The following SEC14L1 variants were observed in gnomAD, a reference collection of about 807,000 sequenced individuals.
The protein encoded by SEC14L1 is SEC14 like lipid binding 1, also known as SEC14-like protein 1.
A neutral mutation model predicts 85.3 loss-of-function variants in SEC14L1; 48 were observed. That is an observed-to-expected ratio of 0.56 (90% CI 0.45 to 0.72). The LOEUF (loss-of-function observed/expected upper bound fraction) is 0.72, where lower values mean the gene tolerates loss of function less well. Among genes scored for constraint, SEC14L1 ranks in the 30% least tolerant of loss-of-function variants. The pLI is 0.00. For synonymous variants in SEC14L1, 391 were observed against 355.5 expected, an observed-to-expected ratio of 1.10 and a Z score of -1.12; for missense variants, 682 against 921.4, an observed-to-expected ratio of 0.74 and a Z score of 3.36.
At chr17:77,205,375 A>C in intron 11 of SEC14L1, 29 bp downstream of exon 11, 1 of 1,572,840 alleles carries the variant, frequency 6.4e-7, no homozygotes, top group Non-Finnish European at 8.7e-7. Context: ...TTTTCCTTTC[A>C]ACTTACTGAG....
intron 3 of SEC14L1, among the ~76,000 whole-genome samples, chr17:77,150,218 A>C (rs978554041): frequency 6.6e-6 from 1 of 152,074 alleles, no homozygotes; most frequent in Admixed American, 6.5e-5. Flanking sequence ...AGGAAGAGAA[A>C]GAGATTTGCT....
intron 3 of SEC14L1, among the ~76,000 whole-genome samples, chr17:77,098,842 C>T (rs945446439): frequency 6.6e-6 from 1 of 152,166 alleles, no homozygotes; most frequent in African/African-American, 2.4e-5. Flanking sequence ...AGTGGGAGCC[C>T]TGGACTTATT....
rs1416995357 is a variant in SEC14L1, at chr17:77,190,889, G to C, written c.150G>C (p.Gly50=). 6.2e-7 allele frequency: 1 copy of C among 1,614,104 alleles called. No homozygotes were observed. Among genetic ancestry groups the C allele is most frequent in the African/African-American group, 1.3e-5 (1 of 74,932 alleles). ...DTVNEFKSED[G]AIHVIERRCK... is the part of the protein sequence containing the mutation. ...TGAATGAATTCAAGAGCGAAGATGG[G>C]GCTATTCATGTCATTGAAAGGCGCT... The change falls in exon 4 of 17, where the codon GGG becomes GGC. Residue 50 remains glycine (G), a synonymous_variant. Transcript: ENST00000436233.
intron 2 of SEC14L1, chr17:77,089,377 C>A: frequency 1.9e-6 from 1 of 518,988 alleles, no homozygotes; most frequent in South Asian, 1.4e-5. Flanking sequence ...CCAGGCAGCC[C>A]AACCCTGACC....
intron 15 of SEC14L1, among the ~76,000 whole-genome samples, 195 bp downstream of exon 15, chr17:77,212,396 G>A (rs1243468923): frequency 6.6e-6 from 1 of 152,204 alleles, no homozygotes; most frequent in Non-Finnish European, 1.5e-5. Context: ...CCTCGCAGTG[G>A]TTTTGGACAG....
chr17:77,104,098 A>C (rs1333545644), intron 3 of SEC14L1, among the ~76,000 whole-genome samples: 2 of 151,604 alleles, frequency 1.3e-5, no homozygotes, highest in African/African-American at 2.4e-5. Context: ...GACCGTATCC[A>C]AAGGACTCTT....
chr17:77,107,255 G>T (rs1429372897), intron 3 of SEC14L1, among the ~76,000 whole-genome samples: 1 of 152,130 alleles, frequency 6.6e-6, no homozygotes, highest in Non-Finnish European at 1.5e-5. Context: ...CCAGGCTCCA[G>T]GCACCAGGCT....
rs148180379 is a variant in SEC14L1, at chr17:77,108,306, G to T, written c.-136+14959G>T. ...GGTCGTCATAACCCAGTTCTGTCCG[G>T]CAGGAAGCCCTTGCTACAGACCTGG... On this transcript the variant is annotated intron_variant, in intron 3 of 19. Transcript: ENST00000392476. Among the ~76,000 whole-genome samples, 932 of 152,252 alleles carry T rather than the reference G, an allele frequency of 6.1e-3. 38 individuals are homozygous for T. Among genetic ancestry groups the T allele is most frequent in the Admixed American group, 0.053 (808 of 15,288 alleles).
intron 3 of SEC14L1, among the ~76,000 whole-genome samples, chr17:77,159,770 C>G (rs987003987): frequency 6.6e-6 from 1 of 152,164 alleles, no homozygotes; most frequent in African/African-American, 2.4e-5. Context: ...GTTGAAAATA[C>G]AGCTTTAATT....
At chr17:77,196,129 A>G in intron 7 of SEC14L1, 73 bp from the exon 8 acceptor site, 1 of 1,185,344 alleles carries the variant, frequency 8.4e-7, no homozygotes, top group Non-Finnish European at 1.3e-6. Context: ...CGTTAACTCC[A>G]CTGAGCACAA....
At chr17:77,205,231 G>T (rs377667628) in intron 10 of SEC14L1, 45 bp from the exon 11 acceptor site, 2 of 1,546,608 alleles carry the variant, frequency 1.3e-6, no homozygotes, top group Non-Finnish European at 1.8e-6. Context: ...GGTAGTTTTA[G>T]CCTTAAACTA....
At chr17:77,108,164 C>T (rs1442357770) in intron 3 of SEC14L1, among the ~76,000 whole-genome samples, 3 of 152,044 alleles carry the variant, frequency 2.0e-5, no homozygotes, top group South Asian at 2.1e-4. Flanking sequence ...GCTGTTTGGG[C>T]GAGTGTGCAG....
intron 15 of SEC14L1, among the ~76,000 whole-genome samples, chr17:77,212,920 A>C (rs887592395): frequency 1.3e-5 from 2 of 152,230 alleles, no homozygotes; most frequent in Non-Finnish European, 2.9e-5. Flanking sequence ...ACGTGCCTTC[A>C]GCCCCGAACA....
chr17:77,206,083 T>C lies in SEC14L1; in HGVS notation c.1170-146T>C. On this transcript the variant is annotated intron_variant, in intron 11 of 16. Coordinates refer to ENST00000436233, the MANE Select transcript of SEC14L1 (RefSeq NM_001143998.2). This position sits in a 1 kb window ranked among gnomAD's most constrained non-coding sequence, Gnocchi z 4.3. ...TACAAGTAGATATAAACAGGGTTCA[T>C]AGCACTATACATAGCACTATAATTT... 2 of 733,616 alleles carry C rather than the reference T, an allele frequency of 2.7e-6. No homozygotes were observed. Among genetic ancestry groups the C allele is most frequent in the Non-Finnish European group, 4.3e-6 (2 of 461,068 alleles). 45.4% of individuals were successfully genotyped at this position (733,616 alleles called of 1,614,324 possible). A position where few individuals can be genotyped will look rare whatever the true frequency, so the allele number is the denominator to read the frequency against.
At chr17:77,183,685 A>G (rs1315882510) in intron 3 of SEC14L1, among the ~76,000 whole-genome samples, 1 of 152,200 alleles carries the variant, frequency 6.6e-6, no homozygotes, top group Non-Finnish European at 1.5e-5. Context: ...GCATGGTTGC[A>G]TTTCCTTGGT....
At chr17:77,193,341 T>C in intron 5 of SEC14L1, 80 bp from the exon 6 acceptor site, 1 of 1,386,560 alleles carries the variant, frequency 7.2e-7, no homozygotes, top group South Asian at 1.6e-5. Flanking sequence ...TTTTTTCTGG[T>C]TACTGGTTAA....
intron 3 of SEC14L1, among the ~76,000 whole-genome samples, chr17:77,161,486 A>G (rs879937178): frequency 6.6e-6 from 1 of 152,174 alleles, no homozygotes; most frequent in Non-Finnish European, 1.5e-5. Flanking sequence ...CAATAAAATG[A>G]TACTCTATCT....
chr17:77,176,863 A>G (rs917601554), intron 3 of SEC14L1, among the ~76,000 whole-genome samples: 1 of 152,172 alleles, frequency 6.6e-6, no homozygotes, highest in Non-Finnish European at 1.5e-5. Flanking sequence ...CTGGGATTAC[A>G]GGCGTGAGCC....
chr17:77,159,365 C>T (rs1261994582), intron 3 of SEC14L1, among the ~76,000 whole-genome samples: 1 of 151,106 alleles, frequency 6.6e-6, no homozygotes, highest in Non-Finnish European at 1.5e-5. Flanking sequence ...CCACACCCGG[C>T]CTCTTTTCTT....
Sources: gnomAD v4.1 joint callset for allele counts (sites outside exome capture counted in the v4.1 genomes callset) on GRCh38, gnomAD v4.1.1 for gene constraint, Gnocchi (gnomAD v3.1) non-coding constraint, MANE v1.5 for transcripts, NCBI Gene and HGNC (gene_info 2026-07-23, HGNC 2026-07-21) for gene names.